CELF4: variants seen among roughly 807,000 people sequenced by gnomAD.
The protein encoded by CELF4 is CUG-BP- and ETR-3-like factor 4.
In CELF4, 18 loss-of-function variants were observed where a neutral mutation model predicts 59.9. The observed-to-expected ratio is 0.30, with a 90% CI of 0.21 to 0.45. The LOEUF is 0.45. Among genes scored for constraint, CELF4 ranks in the 20% least tolerant of loss-of-function variants. The pLI is 1.00. For missense variants in CELF4, 456 were observed against 689.0 expected (o/e 0.66, Z 3.79); for synonymous variants, 261 against 267.1 (o/e 0.98, Z 0.22).
In CELF4 at chr18:37,266,518, C is replaced by A. The variant is rs185520995; in HGVS notation, c.1165+15G>T. The A allele has an allele frequency of 6.3e-7, 1 of 1,584,476 alleles. No individual in the cohort carries two copies. Among genetic ancestry groups the A allele is most frequent in the South Asian group, 1.2e-5 (1 of 86,452 alleles). The stretch of plus-strand genomic sequence containing the variant: ...GGAGTTGGGGAAGGAGCCGTGGGGA[C>A]GCGTGGATACTAACGACCTGCATAC... On this transcript the variant is annotated intron_variant, in intron 9 of 12. Coordinates refer to ENST00000420428, the MANE Select transcript of CELF4 (RefSeq NM_020180.4).
chr18:37,378,859 G>A (rs535700825), intron 2 of CELF4, among the ~76,000 whole-genome samples: 1 of 152,160 alleles, frequency 6.6e-6, no homozygotes, highest in Non-Finnish European at 1.5e-5. Flanking sequence ...AGCATGGGAG[G>A]GGGCAGGAAG....
chr18:37,423,832 C>T lies in CELF4; in HGVS notation c.369+61693G>A, dbSNP rs191751824. Among the ~76,000 whole-genome samples, 126 of 152,118 alleles carry T rather than the reference C, an allele frequency of 8.3e-4. 2 individuals carry two copies. The highest frequency in any genetic ancestry group is 1.8e-3 in the Admixed American group (27 of 15,284). ...AGATGCACCATAGCTGAGAGGCTCA[C>T]AGATCTTTGACTGGGGGTTCATCAT... is the stretch of plus-strand genomic sequence containing the variant. On this transcript the variant is annotated intron_variant, in intron 2 of 12. Coordinates refer to ENST00000420428, the MANE Select transcript of CELF4 (RefSeq NM_020180.4).
chr18:37,300,574 C>T (rs2095956309), intron 3 of CELF4, among the ~76,000 whole-genome samples: 1 of 152,206 alleles, frequency 6.6e-6, no homozygotes, highest in East Asian at 1.9e-4. Context: ...CCTGCGCATT[C>T]AGCCATTCAT....
intron 2 of CELF4, among the ~76,000 whole-genome samples, chr18:37,337,154 C>T (rs556991799): frequency 5.3e-5 from 8 of 152,250 alleles, no homozygotes; most frequent in Non-Finnish European, 7.4e-5. Context: ...AACAGGCCTG[C>T]GGTGGCCCTG....
chr18:37,457,396 C>T lies in CELF4; in HGVS notation c.369+28129G>A, dbSNP rs186560285. 5.6e-4 allele frequency among the ~76,000 whole-genome samples: 85 copies of T among 152,236 alleles called. No homozygotes were observed. In the East Asian group the frequency reaches 0.016, roughly 28 times the overall value. On this transcript the variant is annotated intron_variant, in intron 2 of 12. Coordinates refer to ENST00000420428, the MANE Select transcript of CELF4 (RefSeq NM_020180.4). ...GTCAGCTCTTTCTGGGACCCTTACA[C>T]CCCAAGATCCAGGGCTAAGAGTGCC... is the stretch of plus-strand genomic sequence containing the variant.
At chr18:37,441,273 CTGTGTGTGTGTGTGTG>C (rs36008798) in intron 2 of CELF4, among the ~76,000 whole-genome samples, 5 of 143,332 alleles carry the variant, frequency 3.5e-5, no homozygotes, top group Non-Finnish European at 1.5e-5. Context: ...CTCAACAATG[CTGTGTGTGTGTGTGTG>C]TGTGTGTGTG....
intron 2 of CELF4, among the ~76,000 whole-genome samples, chr18:37,430,453 C>A (rs146038043): frequency 4.6e-5 from 7 of 152,176 alleles, no homozygotes; most frequent in Admixed American, 3.3e-4. Flanking sequence ...CCTCCACCCC[C>A]ACTCCACACA....
Position 37,279,081 on chromosome 18 carries a change from G to T in CELF4, c.449-3838C>A, listed in dbSNP as rs1292786708. Among the ~76,000 whole-genome samples the T allele has an allele frequency of 2.0e-5, 3 of 152,178 alleles. 1 individual carries two copies. Among genetic ancestry groups the T allele is most frequent in the South Asian group, 4.1e-4 (2 of 4,822 alleles). On this transcript the variant is annotated intron_variant, in intron 3 of 12. Coordinates refer to ENST00000420428, the MANE Select transcript of CELF4 (RefSeq NM_020180.4). Reference sequence around the variant, plus strand: ...CTGACTCCTGGTACAGGCAGAGAAGGCCCTGGCCACTGCCCAGCTGCCTAA... The same window carrying T: ...CTGACTCCTGGTACAGGCAGAGAAGTCCCTGGCCACTGCCCAGCTGCCTAA...
chr18:37,294,719 G>A (rs780346998), intron 3 of CELF4, among the ~76,000 whole-genome samples: 1 of 152,222 alleles, frequency 6.6e-6, no homozygotes. Context: ...CAAGTGACCT[G>A]CAGCAGCTCT....
chr18:37,292,274 A>C (rs2095386844), intron 3 of CELF4, among the ~76,000 whole-genome samples: 2 of 152,332 alleles, frequency 1.3e-5, no homozygotes, highest in Middle Eastern at 3.4e-3. Context: ...TCCAGGCACT[A>C]ATGGTGGATA....
At chr18:37,443,000 A>G (rs535450636) in intron 2 of CELF4, among the ~76,000 whole-genome samples, 2 of 152,180 alleles carry the variant, frequency 1.3e-5, no homozygotes, top group African/African-American at 4.8e-5. Context: ...AATTCTACCC[A>G]TCCCTAAGCC....
rs560323583 is a variant in CELF4 at position 37,402,929 on chromosome 18, C to T, written c.370-81048G>A. Among the ~76,000 whole-genome samples the T allele has an allele frequency of 3.5e-3, 534 of 152,354 alleles. 4 individuals carry two copies. The highest frequency in any genetic ancestry group is 5.5e-3 in the Non-Finnish European group (371 of 68,040). ...AGCCTTCCTCTGCCCTCCCCACCCT[C>T]CATGCATGGCCTGAACAGGCCCCAG... On this transcript the variant is annotated intron_variant, in intron 2 of 12. Coordinates refer to ENST00000420428, the MANE Select transcript of CELF4 (RefSeq NM_020180.4).
intron 2 of CELF4, among the ~76,000 whole-genome samples, chr18:37,462,778 T>C (rs2099797258): frequency 6.6e-6 from 1 of 151,272 alleles, no homozygotes; most frequent in Admixed American, 6.6e-5. Context: ...GCAAACTTTC[T>C]TAAAACATTA....
chr18:37,359,302 T>A (rs1453998885), intron 2 of CELF4, among the ~76,000 whole-genome samples: 2 of 152,146 alleles, frequency 1.3e-5, no homozygotes, highest in African/African-American at 4.8e-5. Flanking sequence ...AGCTGAGCAG[T>A]GCTGGGCCAT....
chr18:37,485,674 C>A, intron 1 of CELF4, 67 bp from the exon 2 acceptor site: 1 of 1,080,270 alleles, frequency 9.3e-7, no homozygotes, highest in South Asian at 2.6e-5. Flanking sequence ...CGCGCCCTGC[C>A]GCCCGCCCTC....
At chr18:37,512,491 T>G (rs2099945595) in intron 1 of CELF4, among the ~76,000 whole-genome samples, 1 of 150,478 alleles carries the variant, frequency 6.6e-6, no homozygotes, top group Admixed American at 6.6e-5. Flanking sequence ...TTCATTTTCC[T>G]CCTCTTCTTC....
At chr18:37,460,158 T>C (rs2099789684) in intron 2 of CELF4, among the ~76,000 whole-genome samples, 1 of 152,158 alleles carries the variant, frequency 6.6e-6, no homozygotes, top group South Asian at 2.1e-4. Flanking sequence ...TGTCTGAACA[T>C]GAGTGGGTCT....
chr18:37,285,458 G>A (rs1308257013), intron 3 of CELF4, among the ~76,000 whole-genome samples: 1 of 152,238 alleles, frequency 6.6e-6, no homozygotes, highest in East Asian at 1.9e-4. Context: ...AAAGGGGTTT[G>A]TAGGGGTGCC....
At chr18:37,338,342 C>T (rs989205626) in intron 2 of CELF4, among the ~76,000 whole-genome samples, 5 of 138,866 alleles carry the variant, frequency 3.6e-5, no homozygotes, top group Admixed American at 7.0e-5. Context: ...CCACCACTGT[C>T]GCTGCCACCA....
Sources: gnomAD v4.1 joint callset for allele counts (sites outside exome capture counted in the v4.1 genomes callset) on GRCh38, gnomAD v4.1.1 for gene constraint, MANE v1.5 for transcripts, NCBI Gene and HGNC (gene_info 2026-07-23, HGNC 2026-07-21) for gene names.